IPO5: variants seen among roughly 807,000 people sequenced by gnomAD.
IPO5 encodes the protein importin-5.
Under a neutral mutation model 143.3 loss-of-function variants are expected in IPO5, and 18 were observed. The observed-to-expected ratio is 0.13, with a 90% CI of 0.09 to 0.19. The LOEUF is 0.19. Among genes scored for constraint, IPO5 ranks in the 10% least tolerant of loss-of-function variants. IPO5 has a pLI of 1.00. For missense variants in IPO5, 1,013 were observed against 1,336.9 expected (o/e 0.76, Z 3.78); for synonymous variants, 477 against 465.7 (o/e 1.02, Z -0.31).
intron 13 of IPO5, among the ~76,000 whole-genome samples, chr13:98,001,311 A>C (rs955738085): frequency 6.6e-6 from 1 of 152,136 alleles, no homozygotes; most frequent in Non-Finnish European, 1.5e-5. Flanking sequence ...TTCTTTTGTT[A>C]AATTAAAATT....
At chr13:97,954,594 A>C (rs1884338135) in intron 2 of IPO5, among the ~76,000 whole-genome samples, 1 of 152,216 alleles carries the variant, frequency 6.6e-6, no homozygotes, top group South Asian at 2.1e-4. Flanking sequence ...ATTCATTTTC[A>C]TTATGGGAAA....
rs967193556 is a variant in IPO5, at chr13:98,022,561, T to G, written c.*739T>G. Reference sequence around the variant, plus strand: ...TTAATATAAGAATGATCTAATATTTTTTTAAAGTAATAGCTATCAGTAATA... The same window carrying G: ...TTAATATAAGAATGATCTAATATTTGTTTAAAGTAATAGCTATCAGTAATA... On this transcript the variant is annotated 3_prime_UTR_variant, in exon 29 of 29. Coordinates refer to ENST00000651721, the MANE Select transcript of IPO5 (RefSeq NM_002271.6). 2.0e-5 allele frequency: 3 copies of G among 152,376 alleles called. No individual in the cohort carries two copies. Among genetic ancestry groups the G allele is most frequent in the Non-Finnish European group, 4.4e-5 (3 of 68,044 alleles). 9.4% of individuals were successfully genotyped at this position (152,376 alleles called of 1,614,324 possible).
In IPO5 at chr13:98,004,890, A is replaced by G. The variant is rs1278905127; in HGVS notation, c.1498-1240A>G. ...ATGAGTTAATATTTTATTTTATTTT[A>G]TTTTATTTATTTATTTATTTATTTT... On this transcript the variant is annotated intron_variant, in intron 16 of 28. Transcript: ENST00000651721. Among the ~76,000 whole-genome samples the G allele has an allele frequency of 2.0e-5, 3 of 150,938 alleles. No individual in the cohort carries two copies. In the East Asian group the frequency reaches 5.9e-4, roughly 30 times the overall value.
chr13:98,020,080 A>AGAG (rs1255716614), intron 27 of IPO5: 1 of 269,434 alleles, frequency 3.7e-6, no homozygotes, highest in Non-Finnish European at 7.0e-6. Flanking sequence ...TTGTTTTTAA[A>AGAG]TTTTTTTGGT....
chr13:97,978,692 A>T (rs2139616630), intron 4 of IPO5, among the ~76,000 whole-genome samples: 1 of 152,300 alleles, frequency 6.6e-6, no homozygotes, highest in South Asian at 2.1e-4. Context: ...ACAGCATTGT[A>T]ATTAGTAAGC....
Position 98,012,340 on chromosome 13 carries a change from A to C in IPO5, c.2150A>C (p.Asp717Ala). ...CCTTTACTGAAATTTTATTTCCACG[A>C]TGATATCCTACAACTTCTGAATACA... ...MVPLLKFYFHDGVRVAAAESM... is the reference protein window; with the variant it reads ...MVPLLKFYFHAGVRVAAAESM... The change falls in exon 21 of 29, where the codon GAT becomes GCT. Residue 717 changes from aspartate to alanine, a missense_variant and splice_region_variant. By Grantham distance (126) the Asp-to-Ala change is moderately radical. Around this residue, in one of 2 missense-constraint regions of IPO5, gnomAD observed 685 missense variants for 994.9 expected, o/e 0.69. Transcript: ENST00000651721. The C allele has an allele frequency of 1.3e-6, 2 of 1,543,194 alleles. No homozygotes were observed. Among genetic ancestry groups the C allele is most frequent in the Non-Finnish European group, 1.8e-6 (2 of 1,115,436 alleles).
chr13:97,974,574 T>C (rs903264913), intron 3 of IPO5, among the ~76,000 whole-genome samples: 20 of 151,422 alleles, frequency 1.3e-4, no homozygotes, highest in African/African-American at 4.9e-4. Flanking sequence ...CCCCCCAAAG[T>C]GCTGGGATTA....
At chr13:97,970,085 T>A (rs1188565405) in intron 3 of IPO5, among the ~76,000 whole-genome samples, 2 of 152,180 alleles carry the variant, frequency 1.3e-5, no homozygotes, top group Admixed American at 1.3e-4. Flanking sequence ...AGCAAAGCAC[T>A]GCCCAATCGA....
intron 9 of IPO5, among the ~76,000 whole-genome samples, chr13:97,991,059 A>T (rs1388854969): frequency 1.3e-5 from 2 of 152,272 alleles, no homozygotes; most frequent in South Asian, 4.1e-4. Context: ...TGGGGAAAAA[A>T]ATTTTATATT....
chr13:98,012,148 A>G, intron 20 of IPO5, 98 bp from the exon 21 acceptor site: 1 of 738,190 alleles, frequency 1.4e-6, no homozygotes, highest in Non-Finnish European at 2.5e-6. Flanking sequence ...TCTAGTCAAA[A>G]TACAACCTCC....
chr13:98,011,098 A>C (rs1889674307), intron 20 of IPO5, among the ~76,000 whole-genome samples: 2 of 152,098 alleles, frequency 1.3e-5, no homozygotes, highest in Admixed American at 1.3e-4. Context: ...TAGATTTTAG[A>C]AATTAATGTA....
intron 5 of IPO5, among the ~76,000 whole-genome samples, chr13:97,983,057 G>T (rs1886987856): frequency 6.6e-6 from 1 of 152,178 alleles, no homozygotes; most frequent in African/African-American, 2.4e-5. Flanking sequence ...TTTTAGTAGA[G>T]ATGGGGTTTT....
chr13:97,962,170 G>A (rs1282987357), intron 2 of IPO5, among the ~76,000 whole-genome samples: 3 of 152,050 alleles, frequency 2.0e-5, no homozygotes, highest in Non-Finnish European at 4.4e-5. Flanking sequence ...CCCATTCTAT[G>A]AGTTGTCTTT....
chr13:98,019,015 G>A (rs1338217819), intron 26 of IPO5, among the ~76,000 whole-genome samples: 1 of 151,872 alleles, frequency 6.6e-6, no homozygotes, highest in Non-Finnish European at 1.5e-5. Context: ...GAGTGCAGTG[G>A]CATGATCTCG....
At chr13:98,013,624 A>G (rs928678276) in intron 21 of IPO5, among the ~76,000 whole-genome samples, 4 of 152,110 alleles carry the variant, frequency 2.6e-5, no homozygotes, top group African/African-American at 4.8e-5. Flanking sequence ...GGGAAAGGCA[A>G]TTTAATCTTT....
chr13:97,968,352 CT>C (rs1885528406), intron 2 of IPO5, among the ~76,000 whole-genome samples: 4 of 152,162 alleles, frequency 2.6e-5, no homozygotes, highest in Admixed American at 2.6e-4. Context: ...AATGTTTACT[CT>C]GCTGCTTTTG....
intron 5 of IPO5, 60 bp downstream of exon 5, chr13:97,982,643 C>T (rs1886950494): frequency 9.4e-7 from 1 of 1,065,482 alleles, no homozygotes; most frequent in East Asian, 2.4e-5. Flanking sequence ...AGATGATGAT[C>T]ATAGTAGAAA....
At chr13:97,966,133 CAAAAAA>C (rs34256210) in intron 2 of IPO5, among the ~76,000 whole-genome samples, 1 of 89,286 alleles carries the variant, frequency 1.1e-5, no homozygotes. Context: ...GGCCCCCTCT[CAAAAAA>C]AAAAAAAAAA....
At chr13:97,966,664 T>C (rs577842046) in intron 2 of IPO5, among the ~76,000 whole-genome samples, 1 of 152,332 alleles carries the variant, frequency 6.6e-6, no homozygotes, top group South Asian at 2.1e-4. Context: ...TGAGTAGGAA[T>C]GGTGTTAATT....
Sources: allele counts gnomAD v4.1 joint callset (sites outside exome capture counted in the v4.1 genomes callset), GRCh38; gene constraint gnomAD v4.1.1; regional missense constraint gnomAD v4.1.1; transcripts MANE v1.5; gene names NCBI Gene and HGNC (gene_info 2026-07-23, HGNC 2026-07-21).